DGKB: variants seen among roughly 807,000 people sequenced by gnomAD.
DGKB encodes the protein diacylglycerol kinase beta.
DGKB carries 67 observed loss-of-function variants against 114.3 expected under a neutral mutation model. The ratio of observed to expected loss-of-function variants is 0.59; its 90% CI spans 0.48 to 0.72. The LOEUF (loss-of-function observed/expected upper bound fraction) is 0.72, where lower values mean the gene tolerates loss of function less well. Ranked by LOEUF, DGKB falls within the 30% of genes least tolerant of loss-of-function variation. The probability of loss-of-function intolerance (pLI) is 0.00; values close to 1 mark genes in which losing one functional copy is unlikely to be tolerated. For missense variants in DGKB, 907 were observed against 975.2 expected (o/e 0.93, Z 0.93); for synonymous variants, 398 against 323.1 (o/e 1.23, Z -2.49).
intron 20 of DGKB, among the ~76,000 whole-genome samples, chr7:14,546,472 TG>T (rs1794301455): frequency 6.6e-6 from 1 of 152,182 alleles, no homozygotes; most frequent in African/African-American, 2.4e-5. Flanking sequence ...TTCATGGGCA[TG>T]GAACTGGTGC....
chr7:14,773,882 A>G (rs1280614159), intron 2 of DGKB, among the ~76,000 whole-genome samples: 1 of 151,958 alleles, frequency 6.6e-6, no homozygotes, highest in Non-Finnish European at 1.5e-5. Context: ...CCATGAACCC[A>G]CATTGCCTTT....
chr7:14,282,753 G>T (rs1161105524), intron 23 of DGKB, among the ~76,000 whole-genome samples: 1 of 152,008 alleles, frequency 6.6e-6, no homozygotes, highest in African/African-American at 2.4e-5. Flanking sequence ...CAGAGCCAAA[G>T]ACAAAAACCA....
At chr7:14,863,105 A>C (rs979325040) in intron 1 of DGKB, among the ~76,000 whole-genome samples, 2 of 143,084 alleles carry the variant, frequency 1.4e-5, no homozygotes, top group Non-Finnish European at 3.1e-5. Flanking sequence ...ATTATTTTTA[A>C]TTTATTTTTA....
chr7:14,835,723 C>T lies in DGKB; in HGVS notation c.70+5471G>A, dbSNP rs1266499921. Among the ~76,000 whole-genome samples the T allele has an allele frequency of 4.6e-5, 7 of 152,220 alleles. No individual in the cohort carries two copies. In the South Asian group the frequency reaches 6.2e-4, roughly 14 times the overall value. ...CTCTCCCCTTTCAGGACCGAGATAT[C>T]GTATTATCTGAATCCTGGATTCTAG... On this transcript the variant is annotated intron_variant, in intron 2 of 25. Coordinates refer to ENST00000402815, the MANE Select transcript of DGKB (RefSeq NM_001350709.2).
intron 20 of DGKB, among the ~76,000 whole-genome samples, chr7:14,539,918 AT>A (rs1793141546): frequency 6.6e-6 from 1 of 152,112 alleles, no homozygotes; most frequent in Admixed American, 6.5e-5. Context: ...CTCTATAATA[AT>A]TTGAAAAATA....
intron 20 of DGKB, among the ~76,000 whole-genome samples, chr7:14,537,993 T>C (rs910896293): frequency 1.4e-5 from 2 of 144,198 alleles, no homozygotes; most frequent in Admixed American, 1.5e-4. Flanking sequence ...GGCAGGAGAA[T>C]CCCTTGAACC....
At chr7:14,744,720 C>T (rs1292237473) in intron 4 of DGKB, among the ~76,000 whole-genome samples, 2 of 152,154 alleles carry the variant, frequency 1.3e-5, no homozygotes, top group African/African-American at 4.8e-5. Context: ...ATTTTGCAAA[C>T]AACTCAGTCC....
At chr7:14,492,695 T>C (rs947578346) in intron 20 of DGKB, among the ~76,000 whole-genome samples, 1 of 152,008 alleles carries the variant, frequency 6.6e-6, no homozygotes, top group South Asian at 2.1e-4. Flanking sequence ...TATGCCACCA[T>C]AAAGTAATTT....
chr7:14,175,232 T>C (rs369119151), intron 25 of DGKB, among the ~76,000 whole-genome samples: 7 of 152,178 alleles, frequency 4.6e-5, no homozygotes, highest in Non-Finnish European at 1.0e-4. Context: ...ATCTAAAAAA[T>C]GGTGGTTCCA....
chr7:14,740,682 T>C (rs1458405817), intron 4 of DGKB, among the ~76,000 whole-genome samples: 1 of 152,074 alleles, frequency 6.6e-6, no homozygotes, highest in African/African-American at 2.4e-5. Context: ...TCCCATATCA[T>C]GGATAGAGGT....
chr7:14,250,518 T>C (rs1016547018), intron 23 of DGKB, among the ~76,000 whole-genome samples: 2 of 152,182 alleles, frequency 1.3e-5, no homozygotes, highest in Admixed American at 6.6e-5. Flanking sequence ...AAAATATATC[T>C]AATATTATGT....
At chr7:14,770,675 T>A (rs2128470956) in intron 2 of DGKB, among the ~76,000 whole-genome samples, 1 of 152,250 alleles carries the variant, frequency 6.6e-6, no homozygotes, top group South Asian at 2.1e-4. Context: ...TTGGTGATTG[T>A]GAGACAATAT....
At chr7:14,202,026 A>G (rs1785971430) in intron 23 of DGKB, among the ~76,000 whole-genome samples, 1 of 152,010 alleles carries the variant, frequency 6.6e-6, no homozygotes. Context: ...GAACAAAATA[A>G]TTGCTCATGA....
At chr7:14,900,358 T>C (rs2128236799) in intron 1 of DGKB, among the ~76,000 whole-genome samples, 1 of 152,294 alleles carries the variant, frequency 6.6e-6, no homozygotes. Context: ...GCTCCTCGGC[T>C]AGAGGTACTA....
chr7:14,294,737 T>C lies in DGKB; in HGVS notation c.2122+43778A>G, dbSNP rs75604011. 7.3e-3 allele frequency among the ~76,000 whole-genome samples: 1,115 copies of C among 152,276 alleles called. 15 individuals carry two copies. Among genetic ancestry groups the C allele is most frequent in the African/African-American group, 0.025 (1,031 of 41,548 alleles). On this transcript the variant is annotated intron_variant, in intron 23 of 25. Coordinates refer to ENST00000402815, the MANE Select transcript of DGKB (RefSeq NM_001350709.2). ...TTGTTGCAACCTATTATCTGACCAC[T>C]CAAAGATTATTGAATATATTATATG...
chr7:14,612,358 A>G (rs546494651), intron 16 of DGKB, among the ~76,000 whole-genome samples: 1 of 151,890 alleles, frequency 6.6e-6, no homozygotes, highest in East Asian at 1.9e-4. Context: ...TTTAGTAGAG[A>G]CGGGGTTTCA....
At chr7:14,570,909 G>C (rs2128702227) in intron 20 of DGKB, among the ~76,000 whole-genome samples, 1 of 152,176 alleles carries the variant, frequency 6.6e-6, no homozygotes, top group South Asian at 2.1e-4. Flanking sequence ...CCTAATATAA[G>C]GGTTTTACAA....
At chr7:14,561,247 T>C (rs966060256) in intron 20 of DGKB, among the ~76,000 whole-genome samples, 1 of 152,210 alleles carries the variant, frequency 6.6e-6, no homozygotes, top group Non-Finnish European at 1.5e-5. Flanking sequence ...TGACACCATG[T>C]AAGATGTGGC....
chr7:14,169,103 T>C (rs573983479), intron 25 of DGKB, among the ~76,000 whole-genome samples: 2 of 151,874 alleles, frequency 1.3e-5, no homozygotes, highest in Non-Finnish European at 2.9e-5. Context: ...CTCACGCCTG[T>C]AATCCCAGCA....
Sources: allele counts gnomAD v4.1 joint callset (sites outside exome capture counted in the v4.1 genomes callset), GRCh38; gene constraint gnomAD v4.1.1; transcripts MANE v1.5; gene names NCBI Gene and HGNC (gene_info 2026-07-23, HGNC 2026-07-21).